Variants in DLG5 observed in about 807,000 individuals in gnomAD.
DLG5 encodes discs large MAGUK scaffold protein 5, also known as disks large homolog 5.
A neutral mutation model predicts 189.8 loss-of-function variants in DLG5; 48 were observed. The observed-to-expected ratio is 0.25, with a 90% CI of 0.20 to 0.32. DLG5 has a LOEUF of 0.32. Ranked by LOEUF, DLG5 falls within the 10% of genes least tolerant of loss-of-function variation. The pLI is 1.00. For synonymous variants in DLG5, 1,016 were observed against 1,054.1 expected, an observed-to-expected ratio of 0.96 and a Z score of 0.70; for missense variants, 2,160 against 2,544.7, an observed-to-expected ratio of 0.85 and a Z score of 3.25.
chr10:77,842,668 G>A (rs1843482612), intron 6 of DLG5, among the ~76,000 whole-genome samples: 1 of 152,212 alleles, frequency 6.6e-6, no homozygotes, highest in Non-Finnish European at 1.5e-5. Flanking sequence ...CAGGCAGCCT[G>A]CAAATCAGAG....
At chr10:77,801,524 T>C (rs1841204516) in intron 27 of DLG5, among the ~76,000 whole-genome samples, 1 of 152,148 alleles carries the variant, frequency 6.6e-6, no homozygotes, top group African/African-American at 2.4e-5. Context: ...AGAAGCAATA[T>C]GAAAGAAACT....
chr10:77,888,872 C>T (rs1845523486), intron 1 of DLG5, among the ~76,000 whole-genome samples: 1 of 152,214 alleles, frequency 6.6e-6, no homozygotes, highest in Non-Finnish European at 1.5e-5. Context: ...GTGACGAAGA[C>T]ACCCCCATCA....
At chr10:77,834,137 T>C in intron 8 of DLG5, 98 bp from the exon 9 acceptor site, 1 of 1,462,506 alleles carries the variant, frequency 6.8e-7, no homozygotes, top group Non-Finnish European at 9.1e-7. Context: ...TCCAAATACC[T>C]GCCGGCACCT....
chr10:77,832,589 C>T (rs896369576), intron 9 of DLG5, among the ~76,000 whole-genome samples: 1 of 152,210 alleles, frequency 6.6e-6, no homozygotes, highest in East Asian at 1.9e-4. Flanking sequence ...TCTGGCATTA[C>T]CAGGGAGTGC....
chr10:77,814,482 T>TAC (rs1291500722), intron 20 of DLG5, among the ~76,000 whole-genome samples: 4 of 106,686 alleles, frequency 3.7e-5, no homozygotes, highest in Non-Finnish European at 6.7e-5. Flanking sequence ...TATATATATA[T>TAC]ATATATATAT....
At position 77,926,191 on chromosome 10, in the gene DLG5, G is replaced by A; in HGVS notation, c.304+26C>T. On this transcript the variant is annotated intron_variant, in intron 1 of 31. Transcript: ENST00000372391. The surrounding 1 kb of genome is among the most constrained non-coding windows in gnomAD (Gnocchi z 5.2). ...GAGAAGCGGAGGGCGCGTCCCAGAG[G>A]CGGGGGCCAAGGGTCTGCCACTCAC... 4 of 1,383,388 alleles carry A rather than the reference G, an allele frequency of 2.9e-6. No homozygotes were observed. Among genetic ancestry groups the A allele is most frequent in the Non-Finnish European group, 3.8e-6 (4 of 1,057,054 alleles). 85.7% of individuals were successfully genotyped at this position (1,383,388 alleles called of 1,614,324 possible). A position where few individuals can be genotyped will look rare whatever the true frequency, so the allele number is the denominator to read the frequency against.
chr10:77,890,911 TCCACA>T (rs1368209207), intron 1 of DLG5, among the ~76,000 whole-genome samples: 1 of 152,064 alleles, frequency 6.6e-6, no homozygotes, highest in Non-Finnish European at 1.5e-5. Flanking sequence ...GCCTAACCTG[TCCACA>T]CCCTCCCAGG....
In DLG5 at chr10:77,796,800, C is replaced by T. The variant is rs1329256781; in HGVS notation, c.5165-206G>A. Among the ~76,000 whole-genome samples the T allele has an allele frequency of 6.6e-6, 1 of 152,224 alleles. No individual in the cohort carries two copies. Among genetic ancestry groups the T allele is most frequent in the African/African-American group, 2.4e-5 (1 of 41,462 alleles). ...GAGCACCCCCCATGCCCTCTGTGAACACCAGAGGCAGCTGGTCTCAACCAC... is the reference window on the plus strand; with the variant it reads ...GAGCACCCCCCATGCCCTCTGTGAATACCAGAGGCAGCTGGTCTCAACCAC... On this transcript the variant is annotated intron_variant, in intron 27 of 31. Transcript: ENST00000372391. This position sits in a 1 kb window ranked among gnomAD's most constrained non-coding sequence, Gnocchi z 5.2.
chr10:77,821,925 T>C lies in DLG5; in HGVS notation c.2559A>G (p.Glu853=), dbSNP rs1451238366. 1 of 1,614,250 alleles carries C rather than the reference T, an allele frequency of 6.2e-7. No individual in the cohort carries two copies. Among genetic ancestry groups the C allele is most frequent in the South Asian group, 1.1e-5 (1 of 91,082 alleles). ...QTDIFYTDRL[E]DRKEPGPPGG... Reference sequence around the variant, plus strand: ...CTGGGGGGCCTGGCTCCTTCCTGTCTTCCAGCCTGTCCGTGTAGAAGATGT... The same window carrying C: ...CTGGGGGGCCTGGCTCCTTCCTGTCCTCCAGCCTGTCCGTGTAGAAGATGT... Residue 853 remains glutamate (E), a synonymous_variant, in exon 15 of 32, where the codon GAA becomes GAG. Coordinates refer to ENST00000372391, the MANE Select transcript of DLG5 (RefSeq NM_004747.4).
At chr10:77,822,242 G>A (rs1842405850) in intron 14 of DLG5, 141 bp from the exon 15 acceptor site, 5 of 876,226 alleles carry the variant, frequency 5.7e-6, no homozygotes, top group African/African-American at 1.7e-5. Flanking sequence ...AGACAGAGAT[G>A]CACACACACA....
intron 7 of DLG5, among the ~76,000 whole-genome samples, chr10:77,841,212 C>T (rs370611928): frequency 2.2e-4 from 34 of 152,286 alleles, no homozygotes; most frequent in African/African-American, 5.3e-4. Context: ...CAAGGAGCTC[C>T]GCGATGAGGA....
chr10:77,849,731 G>T (rs937085680), intron 5 of DLG5, among the ~76,000 whole-genome samples: 9 of 152,202 alleles, frequency 5.9e-5, no homozygotes, highest in Non-Finnish European at 1.0e-4. Flanking sequence ...ACAGGAAAGG[G>T]AGAGGGGGAC....
chr10:77,926,248 G>A lies in DLG5; in HGVS notation c.273C>T (p.Val91=), dbSNP rs1285478451. Residue 91 remains valine, a synonymous_variant, in exon 1 of 32, where the codon GTC becomes GTT. Transcript: ENST00000372391. This position sits in a 1 kb window ranked among gnomAD's most constrained non-coding sequence, Gnocchi z 5.2. ...HLLPILYLNG[V]VGPPQPAEGA... ...CTTCGGCGGGCTGCGGCGGCCCGAC[G>A]ACGCCGTTCAGGTAGAGAATGGGCA... The A allele has an allele frequency of 2.0e-6, 3 of 1,533,076 alleles. No individual in the cohort carries two copies. The highest frequency in any genetic ancestry group is 1.2e-5 in the South Asian group (1 of 80,714). 95.0% of individuals were successfully genotyped at this position (1,533,076 alleles called of 1,614,324 possible). A position where few individuals can be genotyped will look rare whatever the true frequency, so the allele number is the denominator to read the frequency against.
intron 1 of DLG5, among the ~76,000 whole-genome samples, chr10:77,912,963 G>T (rs1303102464): frequency 6.6e-6 from 1 of 152,080 alleles, no homozygotes; most frequent in Non-Finnish European, 1.5e-5. Context: ...CCTCAAGAAG[G>T]CCACAAGCTC....
chr10:77,934,541 A>G, the DLG5 span, among the ~76,000 whole-genome samples: 1 of 152,212 alleles, frequency 6.6e-6, no homozygotes, highest in Non-Finnish European at 1.5e-5. Context: ...GATTCCAAGC[A>G]TGAGAAGGAT....
chr10:77,913,581 T>C (rs1001078574), intron 1 of DLG5, among the ~76,000 whole-genome samples: 18 of 152,138 alleles, frequency 1.2e-4, no homozygotes, highest in African/African-American at 4.1e-4. Context: ...CATGTGTGAA[T>C]GTCTTTTTCA....
At chr10:77,877,717 C>T (rs1845144074) in intron 1 of DLG5, among the ~76,000 whole-genome samples, 2 of 152,134 alleles carry the variant, frequency 1.3e-5, no homozygotes, top group Admixed American at 1.3e-4. Flanking sequence ...ACCTAAAAGG[C>T]ACAGGAGGAG....
In DLG5 at chr10:77,812,838, G is replaced by C. The variant is rs542472141; in HGVS notation, c.4026-461C>G. ...TGGCTACACAGAGTGATGCAAACTG[G>C]TCACGGAAATTAAGCTGCTGCAGAC... On this transcript the variant is annotated intron_variant, in intron 20 of 31. Coordinates refer to ENST00000372391, the MANE Select transcript of DLG5 (RefSeq NM_004747.4). 3.9e-5 allele frequency among the ~76,000 whole-genome samples: 6 copies of C among 152,362 alleles called. No individual in the cohort carries two copies. In the East Asian group the frequency reaches 1.2e-3, roughly 29 times the overall value.
chr10:77,830,951 A>G, intron 9 of DLG5, 78 bp from the exon 10 acceptor site: 1 of 1,536,940 alleles, frequency 6.5e-7, no homozygotes, highest in South Asian at 1.2e-5. Flanking sequence ...GAACCTCACG[A>G]GGCAGGCCAT....
Sources: allele counts gnomAD v4.1 joint callset (sites outside exome capture counted in the v4.1 genomes callset), GRCh38; gene constraint gnomAD v4.1.1; non-coding constraint Gnocchi (gnomAD v3.1); transcripts MANE v1.5; gene names NCBI Gene and HGNC (gene_info 2026-07-23, HGNC 2026-07-21).